Variants in NBEA observed in about 807,000 individuals in gnomAD.
The protein encoded by NBEA is neurobeachin, also known as lysosomal-trafficking regulator 2.
Under a neutral mutation model 343.4 loss-of-function variants are expected in NBEA, and 44 were observed. The observed-to-expected ratio is 0.13, with a 90% CI of 0.10 to 0.16. NBEA has a LOEUF of 0.16. Ranked by LOEUF, NBEA falls within the 10% of genes least tolerant of loss-of-function variation. The probability of loss-of-function intolerance (pLI) is 1.00; values close to 1 mark genes in which losing one functional copy is unlikely to be tolerated. For missense variants in NBEA, 2,555 were observed against 3,631.3 expected (o/e 0.70, Z 7.62); for synonymous variants, 1,175 against 1,238.7 (o/e 0.95, Z 1.08).
At chr13:35,143,055 C>T (rs535769364) in intron 18 of NBEA, among the ~76,000 whole-genome samples, 1 of 152,138 alleles carries the variant, frequency 6.6e-6, no homozygotes, top group Non-Finnish European at 1.5e-5. Flanking sequence ...TTCTCTAGCA[C>T]AAGAGCTAAC....
In NBEA at chr13:34,947,131, A is replaced by T. The variant is rs2059209524; in HGVS notation, c.294+4017A>T. ...TTCATATTAATTTGAGTTGTATTTTATTCTCATGATTGGGTATGGAAAATA... is the reference window on the plus strand; with the variant it reads ...TTCATATTAATTTGAGTTGTATTTTTTTCTCATGATTGGGTATGGAAAATA... On this transcript the variant is annotated intron_variant, in intron 1 of 58. Coordinates refer to ENST00000379939, the MANE Select transcript of NBEA (RefSeq NM_001385012.1). 2.0e-5 allele frequency among the ~76,000 whole-genome samples: 3 copies of T among 152,050 alleles called. No homozygotes were observed. The South Asian group carries it at 6.2e-4, about 31-fold the overall frequency.
intron 1 of NBEA, among the ~76,000 whole-genome samples, chr13:35,038,182 C>T (rs1212129460): frequency 1.3e-5 from 2 of 152,072 alleles, no homozygotes; most frequent in Non-Finnish European, 2.9e-5. Context: ...GCCAGAGTAC[C>T]ACCGACATTC....
chr13:35,262,608 G>A (rs1381508957), intron 34 of NBEA, among the ~76,000 whole-genome samples: 2 of 151,942 alleles, frequency 1.3e-5, no homozygotes, highest in Non-Finnish European at 2.9e-5. Flanking sequence ...TCCTTTTTTG[G>A]GGGAAATTCT....
rs145116442 is a variant in NBEA, at chr13:35,505,146, T to A, written c.6585+32610T>A. ...TTAGCATACATACTGAGATATGCAT[T>A]TATTTAAAACATACCTATACTTGTT... On this transcript the variant is annotated intron_variant, in intron 41 of 58. Coordinates refer to ENST00000379939, the MANE Select transcript of NBEA (RefSeq NM_001385012.1). 2.2e-3 allele frequency among the ~76,000 whole-genome samples: 331 copies of A among 152,264 alleles called. 1 individual carries two copies. Among genetic ancestry groups the A allele is most frequent in the African/African-American group, 7.5e-3 (313 of 41,556 alleles).
chr13:35,416,413 C>T (rs907628241), intron 38 of NBEA, among the ~76,000 whole-genome samples: 7 of 152,070 alleles, frequency 4.6e-5, no homozygotes, highest in East Asian at 1.9e-4. Context: ...TTTTGAGACA[C>T]GTCCCATCAA....
intron 1 of NBEA, among the ~76,000 whole-genome samples, chr13:35,035,700 G>A (rs528004466): frequency 6.6e-6 from 1 of 151,852 alleles, no homozygotes; most frequent in African/African-American, 2.4e-5. Flanking sequence ...TCCAGTGTTG[G>A]GTGCATATAT....
chr13:35,237,915 A>G (rs982822228), intron 34 of NBEA, among the ~76,000 whole-genome samples: 36 of 152,146 alleles, frequency 2.4e-4, no homozygotes, highest in African/African-American at 8.7e-4. Flanking sequence ...TTGATTAGTT[A>G]GCTTGTGATT....
intron 40 of NBEA, among the ~76,000 whole-genome samples, chr13:35,452,736 G>C (rs1251928108): frequency 6.6e-6 from 1 of 152,124 alleles, no homozygotes; most frequent in Non-Finnish European, 1.5e-5. Context: ...TACCACCTCA[G>C]TTTTACCTTG....
At chr13:35,627,771 G>A (rs1350777985) in intron 48 of NBEA, among the ~76,000 whole-genome samples, 1 of 152,096 alleles carries the variant, frequency 6.6e-6, no homozygotes, top group Non-Finnish European at 1.5e-5. Context: ...ACATGAGTGT[G>A]TTTTAATAAG....
chr13:35,021,157 G>A (rs1284061643), intron 1 of NBEA, among the ~76,000 whole-genome samples: 1 of 151,690 alleles, frequency 6.6e-6, no homozygotes, highest in Non-Finnish European at 1.5e-5. Context: ...TTGTGTCATG[G>A]GCTGGCAAAC....
intron 48 of NBEA, among the ~76,000 whole-genome samples, chr13:35,606,876 T>C (rs1051775238): frequency 3.3e-5 from 5 of 152,160 alleles, no homozygotes; most frequent in African/African-American, 1.2e-4. Flanking sequence ...TATTCTAAAG[T>C]GCTTAAAATA....
intron 41 of NBEA, among the ~76,000 whole-genome samples, chr13:35,543,057 T>G (rs1418459305): frequency 1.3e-5 from 2 of 152,132 alleles, no homozygotes; most frequent in East Asian, 3.8e-4. Flanking sequence ...CCTAAGACCA[T>G]AACATTCTAA....
chr13:35,097,179 A>G (rs2065379328), intron 10 of NBEA, among the ~76,000 whole-genome samples: 1 of 151,896 alleles, frequency 6.6e-6, no homozygotes, highest in Non-Finnish European at 1.5e-5. Context: ...TATGAGAAAA[A>G]TGTATTATCC....
intron 55 of NBEA, among the ~76,000 whole-genome samples, chr13:35,658,972 C>T (rs1341678657): frequency 1.3e-5 from 2 of 152,090 alleles, no homozygotes; most frequent in African/African-American, 4.8e-5. Context: ...TAGTTGTTGC[C>T]ATCAGAAAAC....
chr13:34,989,917 AG>A (rs2060690882), intron 1 of NBEA, among the ~76,000 whole-genome samples: 1 of 151,034 alleles, frequency 6.6e-6, no homozygotes, highest in Non-Finnish European at 1.5e-5. Flanking sequence ...GCCAAAACAA[AG>A]GGGTTACAGA....
chr13:35,002,649 T>G (rs1187607318), intron 1 of NBEA, among the ~76,000 whole-genome samples: 1 of 152,226 alleles, frequency 6.6e-6, no homozygotes, highest in Non-Finnish European at 1.5e-5. Flanking sequence ...ATAGTGAATT[T>G]TAAATCATTA....
intron 27 of NBEA, 123 bp from the exon 28 acceptor site, chr13:35,176,873 A>G (rs1279965636): frequency 1.6e-6 from 1 of 624,078 alleles, no homozygotes; most frequent in African/African-American, 1.8e-5. Context: ...ATTATGATCA[A>G]TAAATGTTAA....
chr13:35,521,448 A>G (rs2077709524), intron 41 of NBEA, among the ~76,000 whole-genome samples: 3 of 152,246 alleles, frequency 2.0e-5, no homozygotes, highest in South Asian at 4.1e-4. Flanking sequence ...ATTTTAAGCA[A>G]TAGGAGTAGC....
Position 35,161,601 on chromosome 13 carries a change from C to T in NBEA, c.3862-149C>T, listed in dbSNP as rs981463914. On this transcript the variant is annotated intron_variant, in intron 22 of 58. Coordinates refer to ENST00000379939, the MANE Select transcript of NBEA (RefSeq NM_001385012.1). ...AAAAGTTTCCTGTGCAAGGAATTAC[C>T]AGGTGAATAATATATGTGAAATATA... 5.3e-5 allele frequency: 37 copies of T among 702,360 alleles called. No homozygotes were observed. The African/African-American group carries it at 6.4e-4, about 12-fold the overall frequency. 43.5% of individuals were successfully genotyped at this position (702,360 alleles called of 1,614,324 possible). A position where few individuals can be genotyped will look rare whatever the true frequency, so the allele number is the denominator to read the frequency against.
Sources: gnomAD v4.1 joint callset for allele counts (sites outside exome capture counted in the v4.1 genomes callset) on GRCh38, gnomAD v4.1.1 for gene constraint, MANE v1.5 for transcripts, NCBI Gene and HGNC (gene_info 2026-07-23, HGNC 2026-07-21) for gene names.